The following CDKAL1 variants were observed in gnomAD, a reference collection of about 807,000 sequenced individuals.
CDKAL1 encodes the protein threonylcarbamoyladenosine tRNA methylthiotransferase.
In CDKAL1, 32 loss-of-function variants were observed where a neutral mutation model predicts 68.2. That is an observed-to-expected ratio of 0.47 (90% CI 0.35 to 0.63). The LOEUF (loss-of-function observed/expected upper bound fraction) is 0.63, where lower values mean the gene tolerates loss of function less well. Among genes scored for constraint, CDKAL1 ranks in the 30% least tolerant of loss-of-function variants. CDKAL1 has a pLI of 0.00. For missense variants in CDKAL1, 606 were observed against 696.7 expected (o/e 0.87, Z 1.47); for synonymous variants, 234 against 244.3 (o/e 0.96, Z 0.39).
intron 13 of CDKAL1, among the ~76,000 whole-genome samples, chr6:21,162,184 A>G (rs1054811319): frequency 6.6e-6 from 1 of 152,210 alleles, no homozygotes; most frequent in African/African-American, 2.4e-5. Context: ...TCTTAGAAGT[A>G]AGGTTTTTAA....
chr6:21,178,513 T>C (rs1381216152), intron 13 of CDKAL1, among the ~76,000 whole-genome samples: 1 of 152,194 alleles, frequency 6.6e-6, no homozygotes, highest in African/African-American at 2.4e-5. Context: ...TTAACATTTA[T>C]TTTTAGTGTT....
At chr6:21,165,974 G>T (rs761926888) in intron 13 of CDKAL1, among the ~76,000 whole-genome samples, 8 of 152,192 alleles carry the variant, frequency 5.3e-5, no homozygotes, top group African/African-American at 1.9e-4. Context: ...CTGACTACCT[G>T]TGTGACCTTC....
At chr6:20,658,128 A>G (rs1769114188) in intron 5 of CDKAL1, among the ~76,000 whole-genome samples, 3 of 152,234 alleles carry the variant, frequency 2.0e-5, no homozygotes, top group African/African-American at 7.2e-5. Context: ...GATCTTTTCC[A>G]TGCCACCTAC....
intron 11 of CDKAL1, among the ~76,000 whole-genome samples, chr6:21,047,726 A>G (rs969352193): frequency 1.3e-5 from 2 of 152,192 alleles, no homozygotes; most frequent in Non-Finnish European, 2.9e-5. Flanking sequence ...TGTCAGGAAG[A>G]TCATAACAGG....
chr6:20,691,311 G>A (rs1770860948), intron 5 of CDKAL1, among the ~76,000 whole-genome samples: 3 of 151,960 alleles, frequency 2.0e-5, no homozygotes, highest in Admixed American at 6.5e-5. Context: ...AGCGACTGCT[G>A]CTGAGAGCAG....
intron 4 of CDKAL1, among the ~76,000 whole-genome samples, chr6:20,605,809 C>T (rs540792247): frequency 9.9e-5 from 15 of 152,270 alleles, no homozygotes; most frequent in East Asian, 1.9e-4. Flanking sequence ...CAGCTCTGGG[C>T]GCCGTTACTC....
rs999160647 is a variant in CDKAL1, at chr6:21,135,686, A to G, written c.1299+27223A>G. On this transcript the variant is annotated intron_variant, in intron 13 of 15. Transcript: ENST00000274695. ...ACTGTGCTTCTTTAAAATTAAGGAC[A>G]TTCATCTGGAAGCTGGGACAGGACT... 7 of 984,762 alleles carry G rather than the reference A, an allele frequency of 7.1e-6. No homozygotes were observed. In the African/African-American group the frequency reaches 1.2e-4, roughly 17 times the overall value. The allele number at this position is 984,762 out of a possible 1,614,324, so 61.0% of individuals were successfully genotyped here.
intron 8 of CDKAL1, among the ~76,000 whole-genome samples, chr6:20,839,785 T>G (rs893176150): frequency 6.6e-6 from 1 of 152,162 alleles, no homozygotes; most frequent in African/African-American, 2.4e-5. Flanking sequence ...TCATTGTATT[T>G]TACTGGATAC....
intron 13 of CDKAL1, among the ~76,000 whole-genome samples, chr6:21,126,061 A>G (rs1582253282): frequency 6.6e-6 from 1 of 152,370 alleles, no homozygotes; most frequent in South Asian, 2.1e-4. Flanking sequence ...AGTTTCTCTT[A>G]CACAGGTGCT....
intron 11 of CDKAL1, among the ~76,000 whole-genome samples, chr6:21,003,371 T>TATATATATATATATATATATATATAG: frequency 2.0e-5 from 1 of 49,312 alleles, no homozygotes; most frequent in Non-Finnish European, 3.4e-5. Context: ...TATATATATA[T>TATATATATATATATATATATATATAG]ACACACACAC....
At chr6:21,055,585 T>C (rs1770784907) in intron 11 of CDKAL1, among the ~76,000 whole-genome samples, 1 of 152,134 alleles carries the variant, frequency 6.6e-6, no homozygotes, top group African/African-American at 2.4e-5. Flanking sequence ...TGTGTTCACA[T>C]TGTTCAGCTC....
At chr6:20,907,466 A>G (rs550911124) in intron 9 of CDKAL1, among the ~76,000 whole-genome samples, 3 of 152,354 alleles carry the variant, frequency 2.0e-5, no homozygotes, top group South Asian at 4.1e-4. Context: ...GTTATATGGA[A>G]CATAACGTTA....
At chr6:21,110,963 C>T (rs953501410) in intron 13 of CDKAL1, among the ~76,000 whole-genome samples, 2 of 151,692 alleles carry the variant, frequency 1.3e-5, no homozygotes, top group East Asian at 1.9e-4. Context: ...AGCAAGACCC[C>T]GTCTCTAAAA....
At chr6:21,123,910 T>C (rs115952147) in intron 13 of CDKAL1, among the ~76,000 whole-genome samples, 1,753 of 152,302 alleles carry the variant, frequency 0.012, 44 homozygotes, top group African/African-American at 0.039. Context: ...ATCACCAAAT[T>C]AGTGCCCCCC....
chr6:21,069,804 T>TAAAA (rs1554169910), intron 12 of CDKAL1, among the ~76,000 whole-genome samples: 20,474 of 85,150 alleles, frequency 0.24, 3,998 homozygotes, highest in East Asian at 0.51. Context: ...TTTTTTTTTT[T>TAAAA]AAAACAGAGC....
intron 13 of CDKAL1, among the ~76,000 whole-genome samples, chr6:21,112,914 T>G (rs2150997324): frequency 6.6e-6 from 1 of 152,288 alleles, no homozygotes; most frequent in Non-Finnish European, 1.5e-5. Context: ...CCACAAACAG[T>G]TCAATCTTTT....
intron 12 of CDKAL1, among the ~76,000 whole-genome samples, chr6:21,094,958 T>C (rs1320403104): frequency 2.0e-5 from 3 of 152,248 alleles, no homozygotes; most frequent in Non-Finnish European, 4.4e-5. Context: ...TCCTGTCGTT[T>C]TACATTCTAA....
At chr6:20,792,452 G>A (rs1489684751) in intron 8 of CDKAL1, among the ~76,000 whole-genome samples, 2 of 152,080 alleles carry the variant, frequency 1.3e-5, no homozygotes, top group African/African-American at 4.8e-5. Flanking sequence ...GATCATATAG[G>A]TTTACAAAGT....
chr6:20,770,154 TA>T (rs1311829161), intron 7 of CDKAL1, among the ~76,000 whole-genome samples: 1 of 152,186 alleles, frequency 6.6e-6, no homozygotes, highest in Non-Finnish European at 1.5e-5. Context: ...AAGGAGTTAA[TA>T]AAGATACGCT....
Sources: allele counts gnomAD v4.1 joint callset (sites outside exome capture counted in the v4.1 genomes callset), GRCh38; gene constraint gnomAD v4.1.1; transcripts MANE v1.5; gene names NCBI Gene and HGNC (gene_info 2026-07-23, HGNC 2026-07-21).